The following TDRD9 variants were observed in gnomAD, a reference collection of about 807,000 sequenced individuals.
The protein encoded by TDRD9 is tudor domain containing 9.
A neutral mutation model predicts 172.6 loss-of-function variants in TDRD9; 124 were observed. The observed-to-expected ratio is 0.72, with a 90% CI of 0.62 to 0.83. The LOEUF is 0.83. Ranked by LOEUF, TDRD9 falls within the 40% of genes least tolerant of loss-of-function variation. TDRD9 has a pLI of 0.00. For synonymous variants in TDRD9, 619 were observed against 617.1 expected (o/e 1.00, Z -0.05); for missense variants, 1,479 against 1,714.1 (o/e 0.86, Z 2.42).
rs1428481580 is a variant in TDRD9, at chr14:104,012,552, T to G, written c.2107-2173T>G. Among the ~76,000 whole-genome samples, 17 of 152,050 alleles carry G rather than the reference T, an allele frequency of 1.1e-4. No homozygotes were observed. The East Asian group carries it at 1.5e-3, about 14-fold the overall frequency. ...TCCATTAATTTAGTTCTCCTTTGAC[T>G]TTTAGTTTACTTCAGTCTTTCTGAA... On this transcript the variant is annotated intron_variant, in intron 20 of 35. Coordinates refer to ENST00000409874, the MANE Select transcript of TDRD9 (RefSeq NM_153046.3).
At chr14:104,007,340 A>G in intron 19 of TDRD9, 136 bp downstream of exon 19, 1 of 767,238 alleles carries the variant, frequency 1.3e-6, no homozygotes, top group African/African-American at 1.8e-5. Context: ...CAGTGCTCGC[A>G]CGGCTGTCCC....
At chr14:103,930,008 A>G (rs148828620) in intron 1 of TDRD9, among the ~76,000 whole-genome samples, 20 of 152,314 alleles carry the variant, frequency 1.3e-4, no homozygotes, top group African/African-American at 4.6e-4. Flanking sequence ...GCAAGAGTAT[A>G]TCCTCTGTTT....
At chr14:103,963,858 A>G (rs962644580) in intron 3 of TDRD9, among the ~76,000 whole-genome samples, 2 of 152,230 alleles carry the variant, frequency 1.3e-5, no homozygotes, top group Non-Finnish European at 2.9e-5. Flanking sequence ...GTATTTCCTG[A>G]CCATATCAAT....
intron 2 of TDRD9, among the ~76,000 whole-genome samples, chr14:103,961,738 A>G (rs1476292211): frequency 2.6e-5 from 4 of 152,184 alleles, no homozygotes; most frequent in African/African-American, 7.2e-5. Context: ...GAGAACAGGG[A>G]CCACGTAACT....
chr14:103,932,683 G>A (rs868793486), intron 1 of TDRD9, among the ~76,000 whole-genome samples: 7 of 150,516 alleles, frequency 4.7e-5, no homozygotes, highest in African/African-American at 1.2e-4. Flanking sequence ...TACTGCGCCC[G>A]GCCGGGAGGG....
intron 23 of TDRD9, among the ~76,000 whole-genome samples, chr14:104,020,270 C>T (rs186755727): frequency 5.3e-5 from 8 of 152,268 alleles, no homozygotes; most frequent in Admixed American, 2.6e-4. Context: ...AGAAGCCGGC[C>T]TGGAGTCTTT....
At chr14:103,945,844 G>A (rs2031527089) in intron 1 of TDRD9, among the ~76,000 whole-genome samples, 1 of 152,144 alleles carries the variant, frequency 6.6e-6, no homozygotes, top group Admixed American at 6.5e-5. Flanking sequence ...ACCTTGAAAA[G>A]CAAGCTAAGG....
intron 6 of TDRD9, among the ~76,000 whole-genome samples, chr14:103,973,842 CAAAGGGG>C (rs2033133459): frequency 6.6e-6 from 1 of 152,118 alleles, no homozygotes; most frequent in Non-Finnish European, 1.5e-5. Context: ...TATCTCATTC[CAAAGGGG>C]AAAATACAGA....
chr14:103,970,426 C>A, intron 5 of TDRD9, 115 bp from the exon 6 acceptor site: 1 of 716,528 alleles, frequency 1.4e-6, no homozygotes, highest in Non-Finnish European at 2.4e-6. Context: ...TGAGGAACTG[C>A]ATTTAGCAGA....
In TDRD9 at chr14:104,026,067, C is replaced by A; in HGVS notation, c.2952C>A (p.Gly984=). Residue 984 remains glycine (G), a synonymous_variant, in exon 27 of 36, where the codon GGC becomes GGA. Coordinates refer to ENST00000409874, the MANE Select transcript of TDRD9 (RefSeq NM_153046.3). The part of the protein sequence containing the change: ...NSAEVFFVDY[G]NKSHVDLHLL... ...TCTAGGTATTCTTTGTAGATTATGG[C>A]AATAAGTCTCATGTAGATCTACATC... 6.2e-7 allele frequency: 1 copy of A among 1,608,788 alleles called. No homozygotes were observed. The highest frequency in any genetic ancestry group is 8.5e-7 in the Non-Finnish European group (1 of 1,175,248).
chr14:103,976,623 C>T (rs1418021826), intron 7 of TDRD9, among the ~76,000 whole-genome samples: 3 of 152,172 alleles, frequency 2.0e-5, no homozygotes, highest in Non-Finnish European at 4.4e-5. Context: ...GTGAATAATG[C>T]TGCAGTAAAC....
At chr14:103,938,440 A>ATATT (rs1334417901) in intron 1 of TDRD9, among the ~76,000 whole-genome samples, 45 of 44,534 alleles carry the variant, frequency 1.0e-3, no homozygotes, top group African/African-American at 4.0e-3. Context: ...ATATATATAT[A>ATATT]TTTTTTTTTT....
chr14:103,982,375 G>C (rs184544906), intron 7 of TDRD9, among the ~76,000 whole-genome samples: 1 of 152,300 alleles, frequency 6.6e-6, no homozygotes, highest in African/African-American at 2.4e-5. Context: ...TTGCCACTCA[G>C]ACTGCACCTG....
chr14:104,040,020 A>G (rs1361409598), intron 32 of TDRD9, among the ~76,000 whole-genome samples, 176 bp from the exon 33 acceptor site: 3 of 150,868 alleles, frequency 2.0e-5, no homozygotes, highest in African/African-American at 5.0e-5. Context: ...TCTTATAACT[A>G]TATTTTATAA....
At chr14:103,979,608 C>A (rs927719129) in intron 7 of TDRD9, among the ~76,000 whole-genome samples, 2 of 152,212 alleles carry the variant, frequency 1.3e-5, no homozygotes, top group African/African-American at 4.8e-5. Context: ...GCATCCGCCC[C>A]CATGTCCCAC....
chr14:104,048,929 G>A (rs1334116650), intron 34 of TDRD9, among the ~76,000 whole-genome samples: 1 of 152,146 alleles, frequency 6.6e-6, no homozygotes, highest in African/African-American at 2.4e-5. Context: ...GTGGTGCTGG[G>A]TTCAGGGGCA....
At chr14:104,038,655 G>T (rs1042839828) in intron 32 of TDRD9, among the ~76,000 whole-genome samples, 2 of 152,158 alleles carry the variant, frequency 1.3e-5, no homozygotes, top group Non-Finnish European at 2.9e-5. Context: ...CTGAGAATGA[G>T]CCAGGTGGCA....
chr14:104,049,263 A>G (rs1566809454), intron 34 of TDRD9, among the ~76,000 whole-genome samples: 2 of 152,054 alleles, frequency 1.3e-5, no homozygotes, highest in African/African-American at 4.8e-5. Context: ...TAAGCTGATG[A>G]TATTTCCAAC....
rs1046169964 is a variant in TDRD9 at position 103,959,837 on chromosome 14, T to C, written c.323-3242T>C. Among the ~76,000 whole-genome samples the C allele has an allele frequency of 3.3e-5, 5 of 152,300 alleles. No individual in the cohort carries two copies. The East Asian group carries it at 7.7e-4, about 24-fold the overall frequency. On this transcript the variant is annotated intron_variant, in intron 2 of 35. Transcript: ENST00000409874. Reference sequence around the variant, plus strand: ...TGATAAATGAAATCTTTCCTTACAGTGTGAGCCTAGTTCTAGGTTGTCGAC... The same window carrying C: ...TGATAAATGAAATCTTTCCTTACAGCGTGAGCCTAGTTCTAGGTTGTCGAC...
Sources: allele counts gnomAD v4.1 joint callset (sites outside exome capture counted in the v4.1 genomes callset), GRCh38; gene constraint gnomAD v4.1.1; transcripts MANE v1.5; gene names NCBI Gene and HGNC (gene_info 2026-07-23, HGNC 2026-07-21).